The following TAOK3 variants were observed in gnomAD, a reference collection of about 807,000 sequenced individuals.
TAOK3 encodes the protein serine/threonine-protein kinase TAO3.
A neutral mutation model predicts 120.4 loss-of-function variants in TAOK3; 40 were observed. The ratio of observed to expected loss-of-function variants is 0.33; its 90% CI spans 0.26 to 0.43. The LOEUF (loss-of-function observed/expected upper bound fraction) is 0.43. Ranked by LOEUF, TAOK3 falls within the 20% of genes least tolerant of loss-of-function variation. The pLI, the probability that TAOK3 is intolerant of heterozygous loss-of-function variation, is 1.00. For synonymous variants in TAOK3, 355 were observed against 387.5 expected (o/e 0.92, Z 0.99); for missense variants, 821 against 1,112.1 (o/e 0.74, Z 3.72).
At chr12:118,215,130 T>C (rs1456823628) in intron 9 of TAOK3, among the ~76,000 whole-genome samples, 8 of 149,822 alleles carry the variant, frequency 5.3e-5, no homozygotes, top group South Asian at 4.3e-4. Context: ...CCACCCGTCT[T>C]GGCCTCCAAA....
chr12:118,313,688 T>C (rs2043346227), intron 1 of TAOK3, among the ~76,000 whole-genome samples: 1 of 152,240 alleles, frequency 6.6e-6, no homozygotes, highest in Non-Finnish European at 1.5e-5. Flanking sequence ...ACTTGAATAG[T>C]AAGCTTTTAC....
intron 1 of TAOK3, among the ~76,000 whole-genome samples, chr12:118,282,307 C>T (rs1363375347): frequency 1.3e-5 from 2 of 152,160 alleles, no homozygotes; most frequent in African/African-American, 4.8e-5. Context: ...AAAGGTCTGC[C>T]AGATGTGAAT....
intron 14 of TAOK3, among the ~76,000 whole-genome samples, chr12:118,184,202 C>T (rs963100112): frequency 6.6e-6 from 1 of 152,130 alleles, no homozygotes; most frequent in Non-Finnish European, 1.5e-5. Context: ...TTTCATTTGT[C>T]ACAACTAAAC....
intron 1 of TAOK3, among the ~76,000 whole-genome samples, chr12:118,268,437 G>C (rs1270262413): frequency 2.0e-5 from 3 of 152,126 alleles, no homozygotes; most frequent in Non-Finnish European, 4.4e-5. Flanking sequence ...CATTTTTCTT[G>C]CTGAGAATAT....
chr12:118,237,030 C>T (rs2040045633), intron 7 of TAOK3, among the ~76,000 whole-genome samples: 1 of 152,078 alleles, frequency 6.6e-6, no homozygotes, highest in Non-Finnish European at 1.5e-5. Flanking sequence ...ACCTTGGTAC[C>T]AAAGACATAT....
At chr12:118,320,265 G>A (rs1260393924) in intron 1 of TAOK3, among the ~76,000 whole-genome samples, 1 of 152,120 alleles carries the variant, frequency 6.6e-6, no homozygotes, top group African/African-American at 2.4e-5. Context: ...GAAATAGATA[G>A]TGATGTTCCC....
intron 9 of TAOK3, among the ~76,000 whole-genome samples, chr12:118,219,948 C>T (rs932435280): frequency 2.7e-5 from 4 of 148,086 alleles, no homozygotes; most frequent in African/African-American, 1.0e-4. Flanking sequence ...TCCTTCTTTC[C>T]TCCCTCTCTC....
chr12:118,335,024 C>T (rs2044306667), intron 1 of TAOK3, among the ~76,000 whole-genome samples: 2 of 151,554 alleles, frequency 1.3e-5, no homozygotes. Context: ...ACTAAAAATA[C>T]AAAAAAGTAG....
chr12:118,164,281 C>T (rs571383864), intron 17 of TAOK3, among the ~76,000 whole-genome samples: 1 of 150,880 alleles, frequency 6.6e-6, no homozygotes, highest in East Asian at 2.1e-4. Flanking sequence ...GAGCCAAGAT[C>T]GCGCCACTGC....
At chr12:118,259,217 G>A (rs2041119701) in intron 2 of TAOK3, among the ~76,000 whole-genome samples, 1 of 152,034 alleles carries the variant, frequency 6.6e-6, no homozygotes, top group African/African-American at 2.4e-5. Context: ...GAGTAACAGG[G>A]GCTGGATTTA....
chr12:118,239,543 C>T (rs2040154206), intron 5 of TAOK3, among the ~76,000 whole-genome samples: 1 of 152,110 alleles, frequency 6.6e-6, no homozygotes, highest in South Asian at 2.1e-4. Flanking sequence ...GCCAAGATTG[C>T]CAATTTATTT....
intron 8 of TAOK3, among the ~76,000 whole-genome samples, 156 bp from the exon 9 acceptor site, chr12:118,233,921 C>G (rs944258168): frequency 3.3e-5 from 5 of 152,096 alleles, no homozygotes; most frequent in African/African-American, 1.2e-4. Flanking sequence ...AAACACTATT[C>G]AAAATATAAT....
Position 118,266,719 on chromosome 12 carries a change from TTC to T in TAOK3, c.-155_-154del, listed in dbSNP as rs2041463952. ...TTCATTTTAGCAGCAAACTTCTCTT[TTC>T]TCTTTTATAACTTCAGTCCTTTGTA... On this transcript the variant is annotated 5_prime_UTR_variant, in exon 2 of 21. Transcript: ENST00000392533. 2.5e-6 allele frequency: 1 copy of T among 397,976 alleles called. No individual in the cohort carries two copies. The highest frequency in any genetic ancestry group is 4.4e-6 in the Non-Finnish European group (1 of 225,726). The allele number at this position is 397,976 out of a possible 1,614,324, so 24.7% of individuals were successfully genotyped here.
At chr12:118,258,252 T>C (rs16948204) in intron 2 of TAOK3, among the ~76,000 whole-genome samples, 18,448 of 152,088 alleles carry the variant, frequency 0.12, 1,205 homozygotes, top group Middle Eastern at 0.15. Flanking sequence ...TGAAGGTTTA[T>C]ATGGGAAAAA....
chr12:118,273,770 C>T (rs1190228879), intron 1 of TAOK3, among the ~76,000 whole-genome samples: 17 of 151,866 alleles, frequency 1.1e-4, no homozygotes, highest in Admixed American at 6.6e-5. Flanking sequence ...GAGCCGAGAT[C>T]GTGCCATTGC....
intron 1 of TAOK3, among the ~76,000 whole-genome samples, chr12:118,281,105 T>G (rs2042084425): frequency 6.6e-6 from 1 of 152,240 alleles, no homozygotes; most frequent in Admixed American, 6.5e-5. Flanking sequence ...GCAGAGGCTA[T>G]GCGGTTTTCT....
intron 9 of TAOK3, among the ~76,000 whole-genome samples, chr12:118,230,460 GTTTTTTTTTTTT>G (rs71069433): frequency 2.2e-4 from 11 of 49,984 alleles, no homozygotes; most frequent in African/African-American, 5.6e-4. Flanking sequence ...CCTGTGAAGT[GTTTTTTTTTTTT>G]TTTTTTTTTT....
chr12:118,350,253 T>C (rs1298198784), intron 1 of TAOK3, among the ~76,000 whole-genome samples: 3 of 152,110 alleles, frequency 2.0e-5, no homozygotes, highest in South Asian at 4.1e-4. Flanking sequence ...TTAATTCCAA[T>C]CTTCACAATG....
chr12:118,187,556 T>C (rs1397673475), intron 14 of TAOK3, among the ~76,000 whole-genome samples: 2 of 152,162 alleles, frequency 1.3e-5, no homozygotes, highest in African/African-American at 4.8e-5. Context: ...TTGTTCAAAA[T>C]GGGACATGGA....
Sources: gnomAD v4.1 joint callset for allele counts (sites outside exome capture counted in the v4.1 genomes callset) on GRCh38, gnomAD v4.1.1 for gene constraint, MANE v1.5 for transcripts, NCBI Gene and HGNC (gene_info 2026-07-23, HGNC 2026-07-21) for gene names.